Variants in ISY1 observed in about 807,000 individuals in gnomAD.
ISY1 encodes pre-mRNA-splicing factor ISY1 homolog.
In ISY1, 12 loss-of-function variants were observed where a neutral mutation model predicts 54.4. The ratio of observed to expected loss-of-function variants is 0.22; its 90% CI spans 0.14 to 0.36. The LOEUF is 0.36. Ranked by LOEUF, ISY1 falls within the 10% of genes least tolerant of loss-of-function variation. The pLI is 1.00. For synonymous variants in ISY1, 96 were observed against 117.9 expected (o/e 0.81, Z 1.20); for missense variants, 282 against 342.2 (o/e 0.82, Z 1.39).
At chr3:129,137,570 C>T (rs1429262106) in intron 7 of ISY1, among the ~76,000 whole-genome samples, 1 of 152,104 alleles carries the variant, frequency 6.6e-6, no homozygotes, top group Non-Finnish European at 1.5e-5. Flanking sequence ...AGGTGGCTCA[C>T]TCCTGTAATC....
Position 129,142,807 on chromosome 3 carries a change from C to T in ISY1, c.301-2322G>A, listed in dbSNP as rs967790196. 9.9e-5 allele frequency among the ~76,000 whole-genome samples: 15 copies of T among 152,228 alleles called. No homozygotes were observed. The South Asian group carries it at 2.1e-3, about 21-fold the overall frequency. The stretch of plus-strand genomic sequence containing the variant: ...CGGTAGCTCACACCTATAATCCCAG[C>T]ACTTTGGGGAGCCAAGGCAGGTGGA... On this transcript the variant is annotated intron_variant, in intron 6 of 10. Transcript: ENST00000393295.
intron 5 of ISY1, among the ~76,000 whole-genome samples, chr3:129,151,143 T>TAA (rs1380720104): frequency 6.1e-5 from 9 of 146,884 alleles, no homozygotes; most frequent in East Asian, 3.9e-4. Flanking sequence ...TATATATATA[T>TAA]AAATATATAA....
intron 6 of ISY1, chr3:129,144,192 A>G (rs1936705033): frequency 4.6e-6 from 2 of 431,078 alleles, no homozygotes; most frequent in Admixed American, 2.5e-5. Flanking sequence ...GACATATACT[A>G]AAATCGGAAT....
intron 5 of ISY1, among the ~76,000 whole-genome samples, chr3:129,155,136 G>T (rs1286227398): frequency 2.0e-5 from 3 of 151,772 alleles, no homozygotes; most frequent in Non-Finnish European, 4.4e-5. Flanking sequence ...TCACAGGGTA[G>T]AAGCTTAGAT....
rs990381046 is a variant in ISY1, at chr3:129,129,878, C to T, written c.*203G>A. ...ACTCCACAATAAAAATAAATGGATC[C>T]ACACAGTAGCAAAATATGTGTACAA... On this transcript the variant is annotated 3_prime_UTR_variant, in exon 11 of 11. Transcript: ENST00000393295. The T allele has an allele frequency of 2.3e-6, 1 of 436,294 alleles. No homozygotes were observed. Among genetic ancestry groups the T allele is most frequent in the African/African-American group, 2.0e-5 (1 of 49,478 alleles). 27.0% of individuals were successfully genotyped at this position (436,294 alleles called of 1,614,324 possible). A position where few individuals can be genotyped will look rare whatever the true frequency, so the allele number is the denominator to read the frequency against.
At chr3:129,144,156 G>C in intron 6 of ISY1, 1 of 444,072 alleles carries the variant, frequency 2.3e-6, no homozygotes, top group Non-Finnish European at 4.6e-6. Context: ...CTGCTGAAGA[G>C]ATCAGGCAAG....
intron 7 of ISY1, among the ~76,000 whole-genome samples, chr3:129,139,673 G>A (rs1009167748): frequency 1.9e-4 from 29 of 150,622 alleles, no homozygotes; most frequent in African/African-American, 6.6e-4. Flanking sequence ...ATGGAGTTTC[G>A]CTCTTGCTGT....
Position 129,129,244 on chromosome 3 carries a change from G to A in ISY1, c.*837C>T, listed in dbSNP as rs971690565. On this transcript the variant is annotated 3_prime_UTR_variant, in exon 11 of 11. Coordinates refer to ENST00000393295, the MANE Select transcript of ISY1 (RefSeq NM_020701.4). ...TTTCTGCAGAACAGGTTATAAAACA[G>A]GAATAGCAAACTCAAATTCCTGCCA... 2.0e-5 allele frequency: 3 copies of A among 152,246 alleles called. No individual in the cohort carries two copies. Among genetic ancestry groups the A allele is most frequent in the African/African-American group, 7.2e-5 (3 of 41,464 alleles). 9.4% of individuals were successfully genotyped at this position (152,246 alleles called of 1,614,324 possible). A position where few individuals can be genotyped will look rare whatever the true frequency, so the allele number is the denominator to read the frequency against.
rs938007197 is a variant in ISY1, at chr3:129,128,425, C to CCAG, written c.*1653_*1655dup. On this transcript the variant is annotated 3_prime_UTR_variant, in exon 11 of 11. Transcript: ENST00000393295. ...CCCCACCAAGCCCACCCACCTCCTG[C>CCAG]CAGGGCCTCTGCCCCAGCCTCCTCC... The CCAG allele has an allele frequency of 3.3e-5, 5 of 153,498 alleles. No homozygotes were observed. The highest frequency in any genetic ancestry group is 1.2e-4 in the African/African-American group (5 of 41,446). The allele number at this position is 153,498 out of a possible 1,614,324, so 9.5% of individuals were successfully genotyped here.
At chr3:129,158,305 C>A (rs1937205551) in intron 3 of ISY1, among the ~76,000 whole-genome samples, 1 of 152,162 alleles carries the variant, frequency 6.6e-6, no homozygotes, top group African/African-American at 2.4e-5. Flanking sequence ...AGGCAGGCGC[C>A]ACCATGCCTG....
chr3:129,146,738 C>A (rs765249297), intron 5 of ISY1, among the ~76,000 whole-genome samples: 16 of 152,156 alleles, frequency 1.1e-4, no homozygotes, highest in Admixed American at 4.6e-4. Context: ...ACATGTAATT[C>A]TTGCCTGGAT....
At chr3:129,133,688 C>T (rs1387138907) in intron 9 of ISY1, among the ~76,000 whole-genome samples, 4 of 151,890 alleles carry the variant, frequency 2.6e-5, no homozygotes, top group East Asian at 1.9e-4. Context: ...AGCCAGATTC[C>T]GTTTCAAAAA....
chr3:129,155,417 ATCTCC>A (rs1937106069), intron 5 of ISY1, among the ~76,000 whole-genome samples: 1 of 151,818 alleles, frequency 6.6e-6, no homozygotes, highest in African/African-American at 2.4e-5. Context: ...ATAGTCTCTT[ATCTCC>A]TAACCTCGTG....
At chr3:129,130,743 A>T in intron 9 of ISY1, 107 bp from the exon 10 acceptor site, 2 of 1,221,114 alleles carry the variant, frequency 1.6e-6, no homozygotes, top group Non-Finnish European at 2.3e-6. Context: ...AAAAAAAACT[A>T]AGAAAGTTCT....
chr3:129,147,446 A>G (rs1197536963), intron 5 of ISY1, among the ~76,000 whole-genome samples: 1 of 152,156 alleles, frequency 6.6e-6, no homozygotes, highest in East Asian at 1.9e-4. Context: ...ATTAAGAAAG[A>G]AAAAAGACCT....
intron 5 of ISY1, among the ~76,000 whole-genome samples, chr3:129,146,931 T>C (rs766272692): frequency 5.3e-5 from 8 of 152,080 alleles, no homozygotes; most frequent in Middle Eastern, 3.4e-3. Flanking sequence ...TGGTGGCACA[T>C]GCCTGTGGTT....
chr3:129,155,385 G>T (rs1244823768), intron 5 of ISY1, among the ~76,000 whole-genome samples: 1 of 151,770 alleles, frequency 6.6e-6, no homozygotes, highest in Non-Finnish European at 1.5e-5. Context: ...AGTAGAGACA[G>T]GGTTTCACCA....
At chr3:129,153,968 C>T (rs1424785522) in intron 5 of ISY1, among the ~76,000 whole-genome samples, 1 of 151,838 alleles carries the variant, frequency 6.6e-6, no homozygotes, top group African/African-American at 2.4e-5. Flanking sequence ...TTTGGCTGGG[C>T]GCCATGGCTC....
rs2107624408 is a variant in ISY1, at chr3:129,161,042, G to A, written c.-67C>T. 2 of 1,532,704 alleles carry A rather than the reference G, an allele frequency of 1.3e-6. No homozygotes were observed. Among genetic ancestry groups the A allele is most frequent in the South Asian group, 2.4e-5 (2 of 83,500 alleles). The allele number at this position is 1,532,704 out of a possible 1,614,324, so 94.9% of individuals were successfully genotyped here. On this transcript the variant is annotated 5_prime_UTR_variant, in exon 1 of 11. Transcript: ENST00000393295. ...TCCAAGAAACTCCACAGGCCCAGAA[G>A]ACGCCGACGCTCACAGGAACTGAAG...
Sources: allele counts gnomAD v4.1 joint callset (sites outside exome capture counted in the v4.1 genomes callset), GRCh38; gene constraint gnomAD v4.1.1; transcripts MANE v1.5; gene names NCBI Gene and HGNC (gene_info 2026-07-23, HGNC 2026-07-21).